The following REDIC1 variants were observed in gnomAD, a reference collection of about 807,000 sequenced individuals.
The protein encoded by REDIC1 is HEI10 Interacting Protein 1.
the REDIC1 span, among the ~76,000 whole-genome samples, chr12:39,653,055 G>A: frequency 1.3e-5 from 2 of 151,910 alleles, no homozygotes; most frequent in African/African-American, 4.8e-5. Context: ...AGTTTCTGCA[G>A]CACAATCAAA....
the REDIC1 span, among the ~76,000 whole-genome samples, chr12:39,869,647 C>T: frequency 2.0e-5 from 3 of 152,194 alleles, no homozygotes; most frequent in African/African-American, 2.4e-5. Context: ...TGGTGTTTCC[C>T]GAGGAATTGT....
At chr12:39,720,132 A>C in the REDIC1 span, among the ~76,000 whole-genome samples, 3 of 152,056 alleles carry the variant, frequency 2.0e-5, no homozygotes, top group East Asian at 5.8e-4. Context: ...AGACCTATTA[A>C]AAAGTTCTTA....
At chr12:39,640,244 G>A in the REDIC1 span, among the ~76,000 whole-genome samples, 1 of 151,786 alleles carries the variant, frequency 6.6e-6, no homozygotes, top group Admixed American at 6.6e-5. Flanking sequence ...GCTACGTAGA[G>A]TCAGCTCACC....
chr12:39,863,818 C>T, the REDIC1 span, among the ~76,000 whole-genome samples: 1 of 152,214 alleles, frequency 6.6e-6, no homozygotes, highest in Non-Finnish European at 1.5e-5. Flanking sequence ...TTGTAATGAA[C>T]AGCCACCATA....
the REDIC1 span, among the ~76,000 whole-genome samples, chr12:39,863,671 T>A: frequency 1.3e-5 from 2 of 152,186 alleles, no homozygotes; most frequent in Non-Finnish European, 2.9e-5. Flanking sequence ...TTAAGTCTTC[T>A]TAGAACAATA....
chr12:39,764,364 T>C, the REDIC1 span: 1 of 1,150,350 alleles, frequency 8.7e-7, no homozygotes, highest in South Asian at 1.8e-5. Flanking sequence ...CAGCAAAATA[T>C]AACCACATAG....
At chr12:39,877,892 T>C in the REDIC1 span, among the ~76,000 whole-genome samples, 1 of 152,200 alleles carries the variant, frequency 6.6e-6, no homozygotes, top group Non-Finnish European at 1.5e-5. Flanking sequence ...AGGTAGGGCA[T>C]GGTGGGAGAC....
the REDIC1 span, chr12:39,759,666 G>A: frequency 5.2e-6 from 1 of 193,322 alleles, no homozygotes; most frequent in African/African-American, 2.4e-5. Flanking sequence ...TATGTAATTT[G>A]GCTAGATTAG....
chr12:39,737,280 T>C, the REDIC1 span, among the ~76,000 whole-genome samples: 1 of 152,234 alleles, frequency 6.6e-6, no homozygotes, highest in African/African-American at 2.4e-5. Context: ...AGTTTGTTCT[T>C]GTTGCTTTGT....
the REDIC1 span, among the ~76,000 whole-genome samples, chr12:39,707,548 A>G: frequency 2.6e-5 from 4 of 151,908 alleles, no homozygotes; most frequent in Non-Finnish European, 4.4e-5. Context: ...TTAAAGAGCT[A>G]TCTCCACTCC....
chr12:39,764,314 G>A, the REDIC1 span: 3 of 660,568 alleles, frequency 4.5e-6, no homozygotes, highest in Non-Finnish European at 7.2e-6. Flanking sequence ...CATTTCCGAT[G>A]CCTTTGGAGG....
At chr12:39,722,728 G>C in the REDIC1 span, among the ~76,000 whole-genome samples, 1 of 151,946 alleles carries the variant, frequency 6.6e-6, no homozygotes, top group Non-Finnish European at 1.5e-5. Context: ...GGAATTTCAG[G>C]GCTTTAAAAA....
chr12:39,714,853 G>A, the REDIC1 span, among the ~76,000 whole-genome samples: 4 of 151,678 alleles, frequency 2.6e-5, no homozygotes, highest in East Asian at 7.7e-4. Context: ...CTGGCCATTG[G>A]TATATCTTCT....
chr12:39,667,293 T>C, the REDIC1 span, among the ~76,000 whole-genome samples: 7 of 152,134 alleles, frequency 4.6e-5, no homozygotes, highest in African/African-American at 1.7e-4. Context: ...TTTCAAAGAA[T>C]ATCTTTATTT....
chr12:39,717,086 CACCTTTTA>C, the REDIC1 span, among the ~76,000 whole-genome samples: 1 of 149,698 alleles, frequency 6.7e-6, no homozygotes, highest in Non-Finnish European at 1.5e-5. Flanking sequence ...ATTTACAAAA[CACCTTTTA>C]TCCTTTTATC....
chr12:39,843,711 G>A, the REDIC1 span, among the ~76,000 whole-genome samples: 1 of 152,026 alleles, frequency 6.6e-6, no homozygotes, highest in Non-Finnish European at 1.5e-5. Flanking sequence ...TGAAGTGAGA[G>A]GTGGCATCCC....
At chr12:39,904,254 T>G in the REDIC1 span, among the ~76,000 whole-genome samples, 9 of 152,158 alleles carry the variant, frequency 5.9e-5, no homozygotes, top group African/African-American at 2.2e-4. Flanking sequence ...TGGGGGCTAG[T>G]CGTAGAAGCA....
At chr12:39,895,135 C>G in the REDIC1 span, among the ~76,000 whole-genome samples, 1 of 152,028 alleles carries the variant, frequency 6.6e-6, no homozygotes, top group African/African-American at 2.4e-5. Context: ...TCCCAAGTAC[C>G]TGGGACTACA....
the REDIC1 span, among the ~76,000 whole-genome samples, chr12:39,696,685 G>A: frequency 6.7e-6 from 1 of 148,578 alleles, no homozygotes; most frequent in East Asian, 2.0e-4. Flanking sequence ...ATAACAAAGA[G>A]AAGGAATTCA....
Sources: gnomAD v4.1 joint callset for allele counts (sites outside exome capture counted in the v4.1 genomes callset) on GRCh38, gnomAD v4.1.1 for gene constraint, MANE v1.5 for transcripts, NCBI Gene and HGNC (gene_info 2026-07-23, HGNC 2026-07-21) for gene names.